Variants in MSRB3 observed in about 807,000 individuals in gnomAD.
MSRB3 encodes methionine-R-sulfoxide reductase B3.
A neutral mutation model predicts 21.0 loss-of-function variants in MSRB3; 13 were observed. The ratio of observed to expected loss-of-function variants is 0.62; its 90% CI spans 0.40 to 0.98. The LOEUF (loss-of-function observed/expected upper bound fraction) is 0.98. Among genes scored for constraint, MSRB3 ranks in the 50% least tolerant of loss-of-function variants. MSRB3 has a pLI of 0.00. For missense variants in MSRB3, 199 were observed against 230.3 expected (o/e 0.86, Z 0.88); for synonymous variants, 87 against 88.6 (o/e 0.98, Z 0.10).
At chr12:65,291,860 A>G (rs1872684198) in intron 1 of MSRB3, among the ~76,000 whole-genome samples, 1 of 152,182 alleles carries the variant, frequency 6.6e-6, no homozygotes. Context: ...GATGGAAGCC[A>G]TTAGAGGATT....
At chr12:65,423,673 C>T (rs754328374) in intron 5 of MSRB3, among the ~76,000 whole-genome samples, 18 of 152,224 alleles carry the variant, frequency 1.2e-4, no homozygotes, top group African/African-American at 2.9e-4. Context: ...GAACCATCCT[C>T]GCACCTCAAA....
chr12:65,396,700 A>AG (rs1555209331), intron 5 of MSRB3, among the ~76,000 whole-genome samples: 2 of 11,654 alleles, frequency 1.7e-4, no homozygotes, highest in African/African-American at 9.7e-4. Flanking sequence ...TCAAAAAAAA[A>AG]AAAAAAAGAA....
At chr12:65,314,367 C>T (rs73318456) in intron 2 of MSRB3, among the ~76,000 whole-genome samples, 4,019 of 151,870 alleles carry the variant, frequency 0.026, 191 homozygotes, top group African/African-American at 0.092. Context: ...AAGCATGAAT[C>T]GATTTTTGCA....
chr12:65,336,393 A>G (rs1010647695), intron 4 of MSRB3, among the ~76,000 whole-genome samples: 3 of 152,236 alleles, frequency 2.0e-5, no homozygotes, highest in African/African-American at 7.2e-5. Context: ...ATACACACGG[A>G]AAAGAACTGA....
chr12:65,296,017 T>G (rs1872941435), intron 1 of MSRB3, among the ~76,000 whole-genome samples: 1 of 152,244 alleles, frequency 6.6e-6, no homozygotes, highest in Non-Finnish European at 1.5e-5. Context: ...TCTATTGTGC[T>G]ATTCACATTG....
rs563928908 is a variant in MSRB3 at position 65,318,374 on chromosome 12, G to T, written c.77-8452G>T. The stretch of plus-strand genomic sequence containing the variant: ...GGGCTCCTTTCCTTCCTTTTTGTGG[G>T]TGGTTACCGCTCATCTCCCTAGCAG... On this transcript the variant is annotated intron_variant, in intron 2 of 6. Transcript: ENST00000308259. Among the ~76,000 whole-genome samples the T allele has an allele frequency of 2.6e-5, 4 of 152,240 alleles. No homozygotes were observed. In the South Asian group the frequency reaches 8.3e-4, roughly 32 times the overall value.
At chr12:65,438,760 G>C (rs1290466752) in intron 5 of MSRB3, among the ~76,000 whole-genome samples, 2 of 151,720 alleles carry the variant, frequency 1.3e-5, no homozygotes, top group Non-Finnish European at 2.9e-5. Context: ...AAGACAATGG[G>C]TCTTTATGGA....
At chr12:65,292,894 A>G (rs986154486) in intron 1 of MSRB3, among the ~76,000 whole-genome samples, 1 of 152,148 alleles carries the variant, frequency 6.6e-6, no homozygotes. Context: ...TGGCATTCCA[A>G]TCAGAAAAAA....
At chr12:65,434,649 G>A (rs1280152474) in intron 5 of MSRB3, among the ~76,000 whole-genome samples, 1 of 151,758 alleles carries the variant, frequency 6.6e-6, no homozygotes, top group Non-Finnish European at 1.5e-5. Flanking sequence ...AAGGAGCTTG[G>A]CATATGGATG....
intron 4 of MSRB3, among the ~76,000 whole-genome samples, chr12:65,348,749 C>T (rs182974897): frequency 8.3e-4 from 127 of 152,264 alleles, no homozygotes; most frequent in African/African-American, 2.4e-3. Context: ...CCCCTACACA[C>T]GGCTTTCGAT....
intron 6 of MSRB3, among the ~76,000 whole-genome samples, chr12:65,456,103 T>C (rs994906203): frequency 2.6e-5 from 4 of 152,208 alleles, no homozygotes; most frequent in Non-Finnish European, 4.4e-5. Context: ...AAAGGTAAAC[T>C]ATAAGTAGGA....
At chr12:65,330,380 G>A (rs1213837018) in intron 4 of MSRB3, among the ~76,000 whole-genome samples, 3 of 152,202 alleles carry the variant, frequency 2.0e-5, no homozygotes, top group Admixed American at 1.3e-4. Context: ...TATAAGGAAT[G>A]TGATTTAATA....
chr12:65,340,596 A>G (rs960277033), intron 4 of MSRB3, among the ~76,000 whole-genome samples: 10 of 152,148 alleles, frequency 6.6e-5, no homozygotes, highest in Non-Finnish European at 1.3e-4. Context: ...ATCCAGATAA[A>G]TTAACATGAA....
intron 4 of MSRB3, among the ~76,000 whole-genome samples, chr12:65,330,195 GA>G (rs747881109): frequency 9.9e-5 from 15 of 152,138 alleles, no homozygotes; most frequent in Non-Finnish European, 1.6e-4. Flanking sequence ...ATAAGAAACA[GA>G]ACCACTGTAA....
chr12:65,437,178 A>G (rs944553918), intron 5 of MSRB3, among the ~76,000 whole-genome samples: 5 of 151,878 alleles, frequency 3.3e-5, no homozygotes, highest in Admixed American at 3.3e-4. Flanking sequence ...CTAAGGGGCC[A>G]GAGAGCAGTG....
intron 1 of MSRB3, among the ~76,000 whole-genome samples, chr12:65,302,575 C>G (rs1001398370): frequency 6.6e-6 from 1 of 152,042 alleles, no homozygotes; most frequent in East Asian, 1.9e-4. Context: ...AAAAAATTAC[C>G]TCTTAAAATC....
chr12:65,367,908 C>CAT (rs1001646473), intron 4 of MSRB3, among the ~76,000 whole-genome samples: 9 of 32,702 alleles, frequency 2.8e-4, no homozygotes, highest in Non-Finnish European at 7.6e-4. Context: ...ATATATTTTA[C>CAT]ATATACATAT....
chr12:65,435,732 C>T (rs1882085659), intron 5 of MSRB3, among the ~76,000 whole-genome samples: 1 of 151,916 alleles, frequency 6.6e-6, no homozygotes, highest in South Asian at 2.1e-4. Flanking sequence ...TTCTTCTACT[C>T]TGAAAGGTAA....
chr12:65,297,223 G>T (rs925828402), intron 1 of MSRB3, among the ~76,000 whole-genome samples: 1 of 152,024 alleles, frequency 6.6e-6, no homozygotes, highest in Non-Finnish European at 1.5e-5. Context: ...CTGTTGGAGG[G>T]TGGGGTGAGG....
Sources: allele counts gnomAD v4.1 joint callset (sites outside exome capture counted in the v4.1 genomes callset), GRCh38; gene constraint gnomAD v4.1.1; transcripts MANE v1.5; gene names NCBI Gene and HGNC (gene_info 2026-07-23, HGNC 2026-07-21).